PDE10A: variants seen among roughly 807,000 people sequenced by gnomAD.
The protein encoded by PDE10A is cAMP and cAMP-inhibited cGMP 3',5'-cyclic phosphodiesterase 10A.
A neutral mutation model predicts 97.7 loss-of-function variants in PDE10A; 39 were observed. That is an observed-to-expected ratio of 0.40 (90% CI 0.31 to 0.52). The LOEUF (loss-of-function observed/expected upper bound fraction) is 0.52, where lower values mean the gene tolerates loss of function less well. Ranked by LOEUF, PDE10A falls within the 20% of genes least tolerant of loss-of-function variation. PDE10A has a pLI of 0.56. For missense variants in PDE10A, 731 were observed against 1,047.8 expected, an observed-to-expected ratio of 0.70 and a Z score of 4.17; for synonymous variants, 371 against 376.8, an observed-to-expected ratio of 0.98 and a Z score of 0.18.
chr6:165,608,074 G>GCA (rs1394356516), intron 1 of PDE10A, among the ~76,000 whole-genome samples: 193 of 136,240 alleles, frequency 1.4e-3, no homozygotes, highest in African/African-American at 6.2e-3. Flanking sequence ...ATATATATAT[G>GCA]TATATATGTA....
intron 5 of PDE10A, among the ~76,000 whole-genome samples, chr6:165,436,599 T>C (rs1790036613): frequency 6.6e-6 from 1 of 152,190 alleles, no homozygotes. Flanking sequence ...GCTTAAATTG[T>C]ATTTGCTATT....
chr6:165,357,429 G>T (rs1049072966), intron 18 of PDE10A, among the ~76,000 whole-genome samples: 1 of 152,108 alleles, frequency 6.6e-6, no homozygotes, highest in Non-Finnish European at 1.5e-5. Flanking sequence ...GGTAGGAAAT[G>T]GTTCTTGTCC....
intron 1 of PDE10A, among the ~76,000 whole-genome samples, chr6:165,571,879 C>T (rs2128345468): frequency 6.6e-6 from 1 of 152,298 alleles, no homozygotes; most frequent in East Asian, 1.9e-4. Flanking sequence ...ACATCTTGTC[C>T]CTCCACTGTA....
chr6:165,900,218 TCCCAGC>T (rs1782065795), intron 1 of PDE10A, among the ~76,000 whole-genome samples: 1 of 152,150 alleles, frequency 6.6e-6, no homozygotes, highest in Non-Finnish European at 1.5e-5. Flanking sequence ...ACACCCGTAA[TCCCAGC>T]ACTTTGGGAG....
chr6:165,591,892 C>A (rs1477550172), intron 1 of PDE10A, among the ~76,000 whole-genome samples: 1 of 152,070 alleles, frequency 6.6e-6, no homozygotes, highest in Non-Finnish European at 1.5e-5. Context: ...TCCCAGAAAA[C>A]CAAATACCCA....
At chr6:165,762,312 T>C (rs1793271199) in intron 1 of PDE10A, among the ~76,000 whole-genome samples, 2 of 152,216 alleles carry the variant, frequency 1.3e-5, no homozygotes, top group Admixed American at 1.3e-4. Context: ...TATTAAAACC[T>C]TCTTCCCTGG....
At chr6:165,486,674 T>C (rs185427834) in intron 2 of PDE10A, among the ~76,000 whole-genome samples, 14 of 152,304 alleles carry the variant, frequency 9.2e-5, no homozygotes, top group South Asian at 4.1e-4. Context: ...TAAAGGTAGA[T>C]TGCTGGCCAG....
chr6:165,905,898 C>T (rs1393321081), intron 1 of PDE10A, among the ~76,000 whole-genome samples: 2 of 151,836 alleles, frequency 1.3e-5, no homozygotes, highest in Admixed American at 6.6e-5. Context: ...TAATAGTATA[C>T]GTTCTTGTAA....
chr6:165,830,263 G>A (rs80071633), intron 1 of PDE10A, among the ~76,000 whole-genome samples: 4,811 of 152,284 alleles, frequency 0.032, 102 homozygotes, highest in Non-Finnish European at 0.047. Flanking sequence ...CCTCTGTCCC[G>A]CACTGTCTCC....
intron 2 of PDE10A, among the ~76,000 whole-genome samples, chr6:165,504,200 T>C (rs1262419209): frequency 2.0e-5 from 3 of 152,112 alleles, no homozygotes; most frequent in Non-Finnish European, 4.4e-5. Flanking sequence ...AGAATATTAT[T>C]TTGGAAAATT....
intron 1 of PDE10A, among the ~76,000 whole-genome samples, chr6:165,981,191 C>T (rs1394420723): frequency 6.6e-6 from 1 of 152,132 alleles, no homozygotes; most frequent in Non-Finnish European, 1.5e-5. Context: ...AGGTGCTCTA[C>T]ATTATTGAAC....
At chr6:165,769,077 C>T (rs1777938612) in intron 1 of PDE10A, among the ~76,000 whole-genome samples, 1 of 152,130 alleles carries the variant, frequency 6.6e-6, no homozygotes, top group South Asian at 2.1e-4. Flanking sequence ...GAAGCTTTTC[C>T]ATTTCAACTC....
At chr6:165,439,425 T>A (rs542054940) in intron 5 of PDE10A, among the ~76,000 whole-genome samples, 6 of 152,124 alleles carry the variant, frequency 3.9e-5, no homozygotes, top group Non-Finnish European at 5.9e-5. Context: ...ACCTCTATCA[T>A]TTCCAAAGAA....
intron 1 of PDE10A, chr6:165,894,464 G>A: frequency 2.2e-6 from 1 of 456,058 alleles, no homozygotes. Context: ...AATTGAACAA[G>A]TGGTGGAGAG....
In PDE10A at chr6:165,506,070, G is replaced by A. The variant is rs191857398; in HGVS notation, c.995-23727C>T. ...CAGACAGTATTCCTGTCGGGAAAAT[G>A]TCTTTTCCCGCTTTTTTCCATTCCC... is the stretch of plus-strand genomic sequence containing the variant. On this transcript the variant is annotated intron_variant, in intron 2 of 21. Coordinates refer to ENST00000539869, the MANE Select transcript of PDE10A (RefSeq NM_001385079.1). Among the ~76,000 whole-genome samples the A allele has an allele frequency of 4.5e-4, 68 of 152,144 alleles. No individual in the cohort carries two copies. In the East Asian group the frequency reaches 0.01, roughly 23 times the overall value.
intron 1 of PDE10A, among the ~76,000 whole-genome samples, chr6:165,899,941 T>C (rs1174581332): frequency 6.6e-6 from 1 of 152,240 alleles, no homozygotes; most frequent in Non-Finnish European, 1.5e-5. Context: ...TGATTTTCAC[T>C]GGCCCTTCAG....
At chr6:165,620,217 T>G (rs1788059545) in intron 1 of PDE10A, among the ~76,000 whole-genome samples, 1 of 152,214 alleles carries the variant, frequency 6.6e-6, no homozygotes, top group African/African-American at 2.4e-5. Context: ...CCAGTCTATA[T>G]GCTCACAGGA....
intron 1 of PDE10A, among the ~76,000 whole-genome samples, chr6:165,595,616 C>T (rs1786540346): frequency 6.6e-6 from 1 of 152,200 alleles, no homozygotes; most frequent in Non-Finnish European, 1.5e-5. Context: ...ACTAATACGT[C>T]TGTCTTGGTC....
In PDE10A at chr6:165,865,877, TA is replaced by T. The variant is rs933874022; in HGVS notation, c.-615+121651del. 1.4e-4 allele frequency among the ~76,000 whole-genome samples: 21 copies of T among 151,984 alleles called. No individual in the cohort carries two copies. The East Asian group carries it at 3.3e-3, about 24-fold the overall frequency. Reference sequence around the variant, plus strand: ...AAACCCTATTTAATGAAATAATAGCTAAAAAAAATTATCAAGTCTTGCAAGA... The same window carrying T: ...AAACCCTATTTAATGAAATAATAGCTAAAAAAATTATCAAGTCTTGCAAGA... On this transcript the variant is annotated intron_variant, in intron 1 of 19. Coordinates refer to the PDE10A transcript ENST00000366882.
Sources: allele counts gnomAD v4.1 joint callset (sites outside exome capture counted in the v4.1 genomes callset), GRCh38; gene constraint gnomAD v4.1.1; transcripts MANE v1.5; gene names NCBI Gene and HGNC (gene_info 2026-07-23, HGNC 2026-07-21).